CSTPP1: variants seen among roughly 807,000 people sequenced by gnomAD.
CSTPP1 encodes the protein centriolar satellite-associated tubulin polyglutamylase complex regulator 1.
At chr11:46,950,756 C>T in the CSTPP1 span, among the ~76,000 whole-genome samples, 21 of 152,034 alleles carry the variant, frequency 1.4e-4, no homozygotes, top group African/African-American at 1.7e-4. Context: ...GGATTATAGG[C>T]GCCTGCTATC....
the CSTPP1 span, chr11:47,103,670 C>CTTTTTTTTTTTTTTTTTTT: frequency 4.0e-5 from 2 of 50,424 alleles, no homozygotes; most frequent in Non-Finnish European, 7.8e-5. Context: ...ATAGAATGGC[C>CTTTTTTTTTTTTTTTTTTT]TTTTTTTTTT....
chr11:47,109,575 T>TA, the CSTPP1 span, among the ~76,000 whole-genome samples: 163 of 152,356 alleles, frequency 1.1e-3, no homozygotes, highest in African/African-American at 3.6e-3. Context: ...CACAGAGTGC[T>TA]AAATCCTGTC....
At chr11:46,992,318 C>T in the CSTPP1 span, among the ~76,000 whole-genome samples, 8 of 151,396 alleles carry the variant, frequency 5.3e-5, no homozygotes, top group African/African-American at 1.9e-4. Context: ...ATACATGTGC[C>T]ATGTTGGTGT....
the CSTPP1 span, among the ~76,000 whole-genome samples, chr11:47,114,677 A>G: frequency 6.6e-6 from 1 of 152,128 alleles, no homozygotes; most frequent in Non-Finnish European, 1.5e-5. Flanking sequence ...TTGCACATTG[A>G]TTTTGTATCC....
At chr11:47,153,816 A>T in the CSTPP1 span, among the ~76,000 whole-genome samples, 1 of 152,252 alleles carries the variant, frequency 6.6e-6, no homozygotes, top group South Asian at 2.1e-4. Context: ...AGTCTCTGTG[A>T]AGCCCTTTCC....
chr11:46,969,921 C>A, the CSTPP1 span, among the ~76,000 whole-genome samples: 1 of 152,142 alleles, frequency 6.6e-6, no homozygotes, highest in Non-Finnish European at 1.5e-5. Context: ...CACTTCACCA[C>A]ACCCGACTAA....
chr11:47,150,251 G>T, the CSTPP1 span, among the ~76,000 whole-genome samples: 1 of 152,088 alleles, frequency 6.6e-6, no homozygotes, highest in Non-Finnish European at 1.5e-5. Context: ...TAATCCCTCT[G>T]AATGTCTGCA....
the CSTPP1 span, among the ~76,000 whole-genome samples, chr11:47,058,474 G>C: frequency 8.6e-5 from 13 of 151,998 alleles, no homozygotes; most frequent in African/African-American, 3.1e-4. Flanking sequence ...CCTTAAAATA[G>C]TTATTTTAAA....
At chr11:47,161,263 G>A in the CSTPP1 span, 2 of 1,611,880 alleles carry the variant, frequency 1.2e-6, no homozygotes, top group African/African-American at 2.7e-5. Context: ...GCCCCATCTG[G>A]GGCCAACACC....
the CSTPP1 span, among the ~76,000 whole-genome samples, chr11:47,008,672 A>G: frequency 6.6e-6 from 1 of 152,104 alleles, no homozygotes; most frequent in Non-Finnish European, 1.5e-5. Flanking sequence ...TGAAAGAGTC[A>G]CAGGTACTGT....
chr11:47,043,959 A>G, the CSTPP1 span, among the ~76,000 whole-genome samples: 865 of 152,276 alleles, frequency 5.7e-3, 11 homozygotes, highest in African/African-American at 0.02. Flanking sequence ...CAGGTTCTAC[A>G]ATGTATCTAC....
chr11:47,132,966 G>A, the CSTPP1 span, among the ~76,000 whole-genome samples: 15 of 152,262 alleles, frequency 9.9e-5, no homozygotes, highest in Admixed American at 9.2e-4. Flanking sequence ...CTAACAGATG[G>A]CCCTTACGAT....
the CSTPP1 span, among the ~76,000 whole-genome samples, chr11:46,974,930 C>T: frequency 1.3e-5 from 2 of 149,282 alleles, no homozygotes; most frequent in African/African-American, 2.5e-5. Flanking sequence ...CCTGGAGATT[C>T]GAGAAATTAG....
chr11:47,059,217 A>C, the CSTPP1 span, among the ~76,000 whole-genome samples: 1 of 152,106 alleles, frequency 6.6e-6, no homozygotes, highest in Non-Finnish European at 1.5e-5. Context: ...GAAGGAAGGG[A>C]AGTTAGAGGG....
chr11:47,141,030 C>T, the CSTPP1 span, among the ~76,000 whole-genome samples: 1 of 152,040 alleles, frequency 6.6e-6, no homozygotes, highest in African/African-American at 2.4e-5. Flanking sequence ...GAACCTGCAA[C>T]AACTATATCC....
chr11:47,112,128 T>G, the CSTPP1 span, among the ~76,000 whole-genome samples: 3 of 152,156 alleles, frequency 2.0e-5, no homozygotes, highest in African/African-American at 7.2e-5. Flanking sequence ...AGTTACTCCT[T>G]AACCCCTTCA....
chr11:46,961,109 C>A, the CSTPP1 span, among the ~76,000 whole-genome samples: 1 of 152,122 alleles, frequency 6.6e-6, no homozygotes. Flanking sequence ...ATTTCTAGGT[C>A]ATTTGGTAAC....
At chr11:47,151,280 G>A in the CSTPP1 span, among the ~76,000 whole-genome samples, 7 of 151,942 alleles carry the variant, frequency 4.6e-5, no homozygotes, top group East Asian at 1.9e-4. Context: ...ACATGCTGGC[G>A]CACGCCTGTA....
chr11:47,126,619 C>T, the CSTPP1 span, among the ~76,000 whole-genome samples: 5 of 151,866 alleles, frequency 3.3e-5, no homozygotes, highest in East Asian at 1.9e-4. Flanking sequence ...GGTAACAGAG[C>T]GAGACCCTAT....
Sources: gnomAD v4.1 joint callset for allele counts (sites outside exome capture counted in the v4.1 genomes callset) on GRCh38, gnomAD v4.1.1 for gene constraint, MANE v1.5 for transcripts, NCBI Gene and HGNC (gene_info 2026-07-23, HGNC 2026-07-21) for gene names.